PTPN20: variants seen among roughly 807,000 people sequenced by gnomAD.
The protein encoded by PTPN20 is tyrosine-protein phosphatase non-receptor type 20.
In PTPN20, 9 loss-of-function variants were observed where a neutral mutation model predicts 35.0. The observed-to-expected ratio is 0.26, with a 90% CI of 0.15 to 0.45. PTPN20 has a LOEUF of 0.45. Ranked by LOEUF, PTPN20 falls within the 20% of genes least tolerant of loss-of-function variation. PTPN20 has a pLI of 1.00. For missense variants in PTPN20, 111 were observed against 312.5 expected (o/e 0.36, Z 4.86); for synonymous variants, 32 against 100.2 (o/e 0.32, Z 4.06).
intron 9 of PTPN20, among the ~76,000 whole-genome samples, chr10:46,994,351 C>T (rs1388281554): frequency 4.7e-5 from 4 of 85,132 alleles, no homozygotes; most frequent in East Asian, 4.7e-4. Flanking sequence ...TTTTTTGAGA[C>T]GGAGTCTCGC....
intron 10 of PTPN20, 72 bp from the exon 11 acceptor site, chr10:47,000,604 T>A: frequency 1.3e-6 from 2 of 1,573,978 alleles, no homozygotes; most frequent in South Asian, 1.1e-5. Context: ...AAATTACAAA[T>A]GTGTTTTCTG....
At chr10:46,925,473 A>G (rs371954168) in intron 1 of PTPN20, among the ~76,000 whole-genome samples, 25 of 143,372 alleles carry the variant, frequency 1.7e-4, no homozygotes, top group Admixed American at 1.5e-3. Context: ...TAGGAGAGGG[A>G]AGAATTTCAG....
chr10:46,972,198 C>G (rs1256848627), intron 7 of PTPN20, among the ~76,000 whole-genome samples: 3 of 143,376 alleles, frequency 2.1e-5, no homozygotes, highest in African/African-American at 7.6e-5. Context: ...ATTTATCTCA[C>G]AAAAACTTAT....
chr10:46,979,036 G>A (rs1272337367), intron 7 of PTPN20, among the ~76,000 whole-genome samples: 1 of 152,014 alleles, frequency 6.6e-6, no homozygotes, highest in African/African-American at 2.4e-5. Context: ...ACTTGAGCCA[G>A]TTTACACACA....
chr10:46,954,831 A>C (rs2047970061), intron 5 of PTPN20, among the ~76,000 whole-genome samples: 1 of 150,952 alleles, frequency 6.6e-6, no homozygotes, highest in Non-Finnish European at 1.5e-5. Context: ...TAGATTATTG[A>C]TATATTTCTT....
At chr10:46,988,794 A>G (rs1469804479) in intron 9 of PTPN20, among the ~76,000 whole-genome samples, 1 of 150,350 alleles carries the variant, frequency 6.7e-6, no homozygotes, top group African/African-American at 2.4e-5. Context: ...TCAGTGTTTT[A>G]TAGTTTTCCT....
At chr10:46,932,013 G>C (rs1467583288) in intron 1 of PTPN20, among the ~76,000 whole-genome samples, 2 of 147,936 alleles carry the variant, frequency 1.4e-5, no homozygotes, top group African/African-American at 2.6e-5. Flanking sequence ...ATTTAGCTTA[G>C]GTGTGGCGTT....
At chr10:46,993,667 T>A (rs998352301) in intron 9 of PTPN20, among the ~76,000 whole-genome samples, 18,987 of 152,214 alleles carry the variant, frequency 0.12, 1,951 homozygotes, top group African/African-American at 0.29. Flanking sequence ...TTAAAAAAAT[T>A]CTCTATGCTT....
At chr10:46,995,249 G>T (rs2058834927) in intron 9 of PTPN20, among the ~76,000 whole-genome samples, 1 of 148,846 alleles carries the variant, frequency 6.7e-6, no homozygotes, top group African/African-American at 2.5e-5. Flanking sequence ...TTATTCCAGT[G>T]TTCTCTGTCT....
chr10:46,937,804 A>G (rs1241570992), intron 2 of PTPN20, among the ~76,000 whole-genome samples: 2 of 151,692 alleles, frequency 1.3e-5, no homozygotes, highest in Middle Eastern at 3.2e-3. Flanking sequence ...GTACATTTCT[A>G]TTGATTGATT....
At chr10:46,953,336 T>C (rs1275564422) in intron 5 of PTPN20, among the ~76,000 whole-genome samples, 1 of 14,602 alleles carries the variant, frequency 6.8e-5, no homozygotes, top group Non-Finnish European at 1.4e-4. Flanking sequence ...TTTCATTTCT[T>C]TTCTTTCTTT....
At chr10:46,988,317 T>C (rs1159325896) in intron 9 of PTPN20, among the ~76,000 whole-genome samples, 2 of 121,516 alleles carry the variant, frequency 1.6e-5, no homozygotes, top group African/African-American at 3.6e-5. Context: ...ATGTATACAA[T>C]GTGTAGTGAT....
In PTPN20 at chr10:46,954,824, A is replaced by G. The variant is rs1199920458; in HGVS notation, c.340+8149A>G. 2.5e-4 allele frequency among the ~76,000 whole-genome samples: 38 copies of G among 151,332 alleles called. No homozygotes were observed. In the East Asian group the frequency reaches 7.2e-3, roughly 29 times the overall value. ...TTAATTTATTAAGGTGGAAACTTAG[A>G]TTATTGATATATTTCTTTTTCATAA... On this transcript the variant is annotated intron_variant, in intron 5 of 10. Coordinates refer to ENST00000374339, the MANE Select transcript of PTPN20 (RefSeq NM_001042357.5).
At chr10:46,983,145 C>G (rs1440640238) in intron 7 of PTPN20, among the ~76,000 whole-genome samples, 4 of 148,388 alleles carry the variant, frequency 2.7e-5, no homozygotes, top group Non-Finnish European at 4.4e-5. Flanking sequence ...GGCGCGGTCT[C>G]AGATCACTGC....
At chr10:46,972,545 C>CT (rs2052528718) in intron 7 of PTPN20, among the ~76,000 whole-genome samples, 1 of 82,728 alleles carries the variant, frequency 1.2e-5, no homozygotes, top group African/African-American at 4.2e-5. Context: ...ATCAGATTTA[C>CT]TTATAATAGC....
downstream of PTPN20, among the ~76,000 whole-genome samples, chr10:47,003,027 G>A (rs2138438463): frequency 6.6e-6 from 1 of 151,616 alleles, no homozygotes; most frequent in East Asian, 1.9e-4. Context: ...CTTCTATGTT[G>A]TCTTGAGGTT....
chr10:46,941,951 T>C (rs1377645155), intron 3 of PTPN20, among the ~76,000 whole-genome samples: 3 of 77,496 alleles, frequency 3.9e-5, no homozygotes, highest in Non-Finnish European at 7.0e-5. Context: ...TCTAGACTCA[T>C]AGACTTGAAG....
At chr10:46,928,265 G>A (rs71501470) in intron 1 of PTPN20, among the ~76,000 whole-genome samples, 1 of 152,090 alleles carries the variant, frequency 6.6e-6, no homozygotes, top group African/African-American at 2.4e-5. Flanking sequence ...GCTCATGTCT[G>A]TGATGAGTGG....
intron 9 of PTPN20, among the ~76,000 whole-genome samples, chr10:46,997,252 T>C (rs1354304302): frequency 6.6e-6 from 1 of 152,194 alleles, no homozygotes; most frequent in Non-Finnish European, 1.5e-5. Flanking sequence ...GTTTGTACTT[T>C]CAGTTTCCAC....
Sources: gnomAD v4.1 joint callset for allele counts (sites outside exome capture counted in the v4.1 genomes callset) on GRCh38, gnomAD v4.1.1 for gene constraint, MANE v1.5 for transcripts, NCBI Gene and HGNC (gene_info 2026-07-23, HGNC 2026-07-21) for gene names.